The following MAP2K1 variants were observed in gnomAD, a reference collection of about 807,000 sequenced individuals.
MAP2K1 encodes the protein dual specificity mitogen-activated protein kinase kinase 1.
MAP2K1 carries 16 observed loss-of-function variants against 46.3 expected under a neutral mutation model. That is an observed-to-expected ratio of 0.35 (90% CI 0.23 to 0.52). The LOEUF (loss-of-function observed/expected upper bound fraction) is 0.52, where lower values mean the gene tolerates loss of function less well. MAP2K1 is among the 20% of genes least tolerant of loss of function. MAP2K1 has a pLI of 0.94. For synonymous variants in MAP2K1, 183 were observed against 185.6 expected (o/e 0.99, Z 0.11); for missense variants, 263 against 497.1 (o/e 0.53, Z 4.48).
At chr15:66,438,249 G>A (rs1245642319) in intron 3 of MAP2K1, among the ~76,000 whole-genome samples, 1 of 151,558 alleles carries the variant, frequency 6.6e-6, no homozygotes, top group Admixed American at 6.6e-5. Context: ...ACCACGCCCC[G>A]CTAATTTTTT....
chr15:66,486,845 A>T (rs1329014227), intron 7 of MAP2K1, among the ~76,000 whole-genome samples: 3 of 152,240 alleles, frequency 2.0e-5, no homozygotes, highest in African/African-American at 7.2e-5. Context: ...TCTAGGAGAC[A>T]AAAGGAAGAA....
intron 7 of MAP2K1, 74 bp from the exon 8 acceptor site, chr15:66,487,154 T>C: frequency 7.7e-7 from 1 of 1,290,344 alleles, no homozygotes; most frequent in Non-Finnish European, 1.1e-6. Flanking sequence ...CAGGGATCCA[T>C]GCCCAACCCC....
intron 9 of MAP2K1, 123 bp from the exon 10 acceptor site, chr15:66,489,595 G>A: frequency 1.2e-6 from 1 of 823,410 alleles, no homozygotes; most frequent in South Asian, 1.3e-5. Context: ...TAGAACAGGA[G>A]GATGAATCAA....
At chr15:66,411,893 T>G (rs928523769) in intron 1 of MAP2K1, among the ~76,000 whole-genome samples, 1 of 152,222 alleles carries the variant, frequency 6.6e-6, no homozygotes, top group Non-Finnish European at 1.5e-5. Flanking sequence ...GACAAGAGTG[T>G]GCTTCCATTT....
At chr15:66,430,651 T>C (rs746255008) in intron 1 of MAP2K1, among the ~76,000 whole-genome samples, 110 of 152,148 alleles carry the variant, frequency 7.2e-4, no homozygotes, top group Non-Finnish European at 1.4e-3. Context: ...ACTTGTCCCT[T>C]TGGGCCTCAG....
chr15:66,395,015 C>G (rs2093364269), intron 1 of MAP2K1, among the ~76,000 whole-genome samples: 1 of 152,204 alleles, frequency 6.6e-6, no homozygotes, highest in Non-Finnish European at 1.5e-5. Context: ...AATATAAACA[C>G]TCACAGAATT....
chr15:66,442,643 G>A (rs2140596488), intron 3 of MAP2K1, among the ~76,000 whole-genome samples: 1 of 152,300 alleles, frequency 6.6e-6, no homozygotes, highest in African/African-American at 2.4e-5. Flanking sequence ...GACCAAAAGT[G>A]TGGAGGGATT....
At chr15:66,445,473 A>AT (rs1891845700) in intron 5 of MAP2K1, among the ~76,000 whole-genome samples, 1 of 152,262 alleles carries the variant, frequency 6.6e-6, no homozygotes, top group Non-Finnish European at 1.5e-5. Flanking sequence ...ACATACACTT[A>AT]ACCATGTGAC....
chr15:66,393,378 A>T (rs1226645376), intron 1 of MAP2K1, among the ~76,000 whole-genome samples: 1 of 151,968 alleles, frequency 6.6e-6, no homozygotes, highest in East Asian at 1.9e-4. Flanking sequence ...GGGTTTCATT[A>T]TATTGCTCAG....
At chr15:66,387,770 G>A (rs2093345741) in intron 1 of MAP2K1, among the ~76,000 whole-genome samples, 1 of 152,204 alleles carries the variant, frequency 6.6e-6, no homozygotes, top group East Asian at 1.9e-4. Context: ...CTGGGAGTCT[G>A]GCCTGTAACG....
chr15:66,421,603 C>T (rs189468816), intron 1 of MAP2K1, among the ~76,000 whole-genome samples: 19 of 151,590 alleles, frequency 1.3e-4, no homozygotes, highest in East Asian at 3.9e-4. Context: ...GAATTGGGGA[C>T]GAGCCTAGCC....
At chr15:66,388,904 C>CTTTTTTTT (rs72328500) in intron 1 of MAP2K1, among the ~76,000 whole-genome samples, 13 of 111,934 alleles carry the variant, frequency 1.2e-4, no homozygotes, top group Non-Finnish European at 1.4e-4. Context: ...AACATTTGTT[C>CTTTTTTTT]TTTTTTTTTT....
At chr15:66,400,785 G>A (rs919023949) in intron 1 of MAP2K1, among the ~76,000 whole-genome samples, 8 of 152,210 alleles carry the variant, frequency 5.3e-5, no homozygotes, top group East Asian at 1.9e-4. Flanking sequence ...CTCTGATTTC[G>A]CTGCATAACT....
chr15:66,425,487 T>C (rs1285146543), intron 1 of MAP2K1, among the ~76,000 whole-genome samples: 1 of 152,176 alleles, frequency 6.6e-6, no homozygotes, highest in Non-Finnish European at 1.5e-5. Flanking sequence ...GAGAAAAGTC[T>C]CATAGTCATT....
chr15:66,433,946 A>G (rs561339376), intron 1 of MAP2K1, among the ~76,000 whole-genome samples: 2 of 152,366 alleles, frequency 1.3e-5, no homozygotes, highest in Non-Finnish European at 2.9e-5. Context: ...TGCCCACAGC[A>G]TGCTGAATGC....
chr15:66,452,304 G>GCAA (rs1555417537), intron 5 of MAP2K1, among the ~76,000 whole-genome samples: 6 of 131,962 alleles, frequency 4.5e-5, no homozygotes, highest in South Asian at 4.8e-4. Flanking sequence ...AAAAAAAAAA[G>GCAA]AAAAAAAAAA....
At chr15:66,403,157 A>G (rs749977625) in intron 1 of MAP2K1, among the ~76,000 whole-genome samples, 10 of 152,130 alleles carry the variant, frequency 6.6e-5, no homozygotes, top group Non-Finnish European at 1.3e-4. Flanking sequence ...TTTTACTCTT[A>G]TTTTTTTATG....
At chr15:66,481,699 T>A in intron 5 of MAP2K1, 56 bp from the exon 6 acceptor site, 1 of 1,597,866 alleles carries the variant, frequency 6.3e-7, no homozygotes. Flanking sequence ...CTGATCCTTC[T>A]CTTCCCCAAT....
chr15:66,472,067 C>T (rs1892647173), intron 5 of MAP2K1, among the ~76,000 whole-genome samples: 1 of 96,576 alleles, frequency 1.0e-5, no homozygotes, highest in African/African-American at 4.2e-5. Flanking sequence ...CAGAGCAAGA[C>T]TCCATCTCAA....
Sources: gnomAD v4.1 joint callset for allele counts (sites outside exome capture counted in the v4.1 genomes callset) on GRCh38, gnomAD v4.1.1 for gene constraint, MANE v1.5 for transcripts, NCBI Gene and HGNC (gene_info 2026-07-23, HGNC 2026-07-21) for gene names.